The following PIK3R6 variants were observed in gnomAD, a reference collection of about 807,000 sequenced individuals.
The protein encoded by PIK3R6 is phosphoinositide-3-kinase regulatory subunit 6, also known as phosphoinositide 3-kinase regulatory subunit 6.
PIK3R6 carries 91 observed loss-of-function variants against 84.9 expected under a neutral mutation model. The observed-to-expected ratio is 1.07, with a 90% CI of 0.90 to 1.28. PIK3R6 has a LOEUF of 1.28. Among genes scored for constraint, PIK3R6 ranks in the 50% most tolerant of loss-of-function variants. The pLI is 0.00. For missense variants in PIK3R6, 996 were observed against 985.1 expected (o/e 1.01, Z -0.15); for synonymous variants, 416 against 411.4 (o/e 1.01, Z -0.13).
intron 11 of PIK3R6, 140 bp from the exon 12 acceptor site, chr17:8,828,330 G>T: frequency 1.0e-6 from 1 of 972,134 alleles, no homozygotes; most frequent in Non-Finnish European, 1.6e-6. Context: ...TACAAAATGG[G>T]TACAGTAATG....
chr17:8,837,897 G>A, intron 4 of PIK3R6, 26 bp from the exon 5 acceptor site: 1 of 1,602,800 alleles, frequency 6.2e-7, no homozygotes, highest in East Asian at 2.2e-5. Context: ...TCACGTGACA[G>A]GTATTGGGCT....
chr17:8,805,126 A>G (rs1363151484), intron 18 of PIK3R6, among the ~76,000 whole-genome samples: 1 of 152,158 alleles, frequency 6.6e-6, no homozygotes, highest in Non-Finnish European at 1.5e-5. Flanking sequence ...TGGACAGGCC[A>G]TGGAGGATCC....
rs2151160487 is a variant in PIK3R6, at chr17:8,803,448, C to A, written c.2109-19G>T. 4 of 1,582,038 alleles carry A rather than the reference C, an allele frequency of 2.5e-6. No homozygotes were observed. The highest frequency in any genetic ancestry group is 2.2e-5 in the East Asian group (1 of 44,714). The stretch of plus-strand genomic sequence containing the variant: ...CTCGAATCTGTGGGTGGAGAGAGAC[C>A]AGCTCAGGTGACCCATCTGAGGGAT... On this transcript the variant is annotated intron_variant, in intron 19 of 19. Coordinates refer to ENST00000619866, the MANE Select transcript of PIK3R6 (RefSeq NM_001010855.4). The surrounding 1 kb of genome is among the most constrained non-coding windows in gnomAD (Gnocchi z 5.0).
At chr17:8,823,209 T>G in intron 14 of PIK3R6, 123 bp from the exon 15 acceptor site, 1 of 857,600 alleles carries the variant, frequency 1.2e-6, no homozygotes, top group East Asian at 2.4e-5. Context: ...TTCTTGGATT[T>G]GAGGTCTTGA....
intron 18 of PIK3R6, among the ~76,000 whole-genome samples, chr17:8,817,667 AAC>A (rs2087586094): frequency 6.6e-6 from 1 of 151,852 alleles, no homozygotes; most frequent in African/African-American, 2.4e-5. Context: ...AAACAAAAAA[AAC>A]AAAAACATTA....
chr17:8,814,215 C>CTTTTTT (rs112750429), intron 18 of PIK3R6, among the ~76,000 whole-genome samples: 4,660 of 85,274 alleles, frequency 0.055, 608 homozygotes, highest in East Asian at 0.18. Flanking sequence ...AGAGAGAGAT[C>CTTTTTT]TTTTTTTTTT....
intron 2 of PIK3R6, among the ~76,000 whole-genome samples, chr17:8,843,648 A>G (rs944733453): frequency 1.3e-5 from 2 of 151,890 alleles, no homozygotes; most frequent in Non-Finnish European, 2.9e-5. Context: ...AAAAAAAAAA[A>G]GCAATGAATT....
At chr17:8,861,790 A>G (rs2089293884) in intron 1 of PIK3R6, among the ~76,000 whole-genome samples, 1 of 152,192 alleles carries the variant, frequency 6.6e-6, no homozygotes, top group Non-Finnish European at 1.5e-5. Flanking sequence ...ATAGTACTGA[A>G]CCTGGCTGCT....
intron 2 of PIK3R6, among the ~76,000 whole-genome samples, chr17:8,846,670 A>G (rs966684989): frequency 2.6e-5 from 4 of 152,026 alleles, no homozygotes; most frequent in African/African-American, 7.3e-5. Flanking sequence ...GCTTGTAAAG[A>G]TCTTTCACCT....
At position 8,803,919 on chromosome 17, in the gene PIK3R6, G is replaced by A; in HGVS notation, c.2108+122C>T. On this transcript the variant is annotated intron_variant, in intron 19 of 19. Coordinates refer to ENST00000619866, the MANE Select transcript of PIK3R6 (RefSeq NM_001010855.4). This position sits in a 1 kb window ranked among gnomAD's most constrained non-coding sequence, Gnocchi z 5.0. The stretch of plus-strand genomic sequence containing the variant: ...CCATCCTCACCAAGGTTACCTGCCT[G>A]GCCACAGGATCTACCTCCGATGAGG... The A allele has an allele frequency of 1.2e-6, 1 of 833,856 alleles. No homozygotes were observed. The highest frequency in any genetic ancestry group is 1.6e-5 in the South Asian group (1 of 61,912). 51.7% of individuals were successfully genotyped at this position (833,856 alleles called of 1,614,324 possible). A position where few individuals can be genotyped will look rare whatever the true frequency, so the allele number is the denominator to read the frequency against.
Position 8,821,935 on chromosome 17 carries a change from G to A in PIK3R6, c.1790C>T (p.Ala597Val), listed in dbSNP as rs761449227. ...GAELSLCYQKALLSHRPREVT... is the reference protein window; with the variant it reads ...GAELSLCYQKVLLSHRPREVT... ...CTCTCGGGGCCGGTGGCTAAGCAAG[G>A]CCTGAGGAGGGGGATCGAGGAACAG... The change falls in exon 17 of 20, where the codon GCC (alanine) becomes GTC (valine). Residue 597 changes from alanine (A) to valine (V), a missense_variant and splice_region_variant. Transcript: ENST00000619866. 11 of 1,576,678 alleles carry A rather than the reference G, an allele frequency of 7.0e-6. 1 individual carries two copies. The South Asian group carries it at 1.3e-4, about 18-fold the overall frequency.
At chr17:8,850,769 A>G (rs958963484) in intron 1 of PIK3R6, among the ~76,000 whole-genome samples, 2 of 152,370 alleles carry the variant, frequency 1.3e-5, no homozygotes, top group African/African-American at 4.8e-5. Context: ...ACGAAGAGAC[A>G]ATATTAGAAA....
At position 8,817,409 on chromosome 17, in the gene PIK3R6, C is replaced by T. The variant is rs531372817; in HGVS notation, c.1995+1674G>A. On this transcript the variant is annotated intron_variant, in intron 18 of 19. Coordinates refer to ENST00000619866, the MANE Select transcript of PIK3R6 (RefSeq NM_001010855.4). ...TTGTAATCCCAACACTTTGGGAAGCCAAGGCAGGTGGATCATGAGGTCAGG... is the reference window on the plus strand; with the variant it reads ...TTGTAATCCCAACACTTTGGGAAGCTAAGGCAGGTGGATCATGAGGTCAGG... Among the ~76,000 whole-genome samples the T allele has an allele frequency of 9.9e-5, 15 of 152,208 alleles. 1 individual carries two copies. The highest frequency in any genetic ancestry group is 3.4e-4 in the African/African-American group (14 of 41,520).
intron 1 of PIK3R6, among the ~76,000 whole-genome samples, chr17:8,859,435 T>A (rs2089220061): frequency 1.3e-5 from 2 of 152,180 alleles, no homozygotes. Context: ...CACCGCCCCA[T>A]GCACGCAGCA....
chr17:8,838,503 G>T, intron 4 of PIK3R6, 61 bp downstream of exon 4: 1 of 1,479,370 alleles, frequency 6.8e-7, no homozygotes, highest in Non-Finnish European at 9.2e-7. Context: ...CTGAGCCCCT[G>T]CCCAATTGGC....
At position 8,803,497 on chromosome 17, in the gene PIK3R6, G is replaced by C. The variant is rs1477425433; in HGVS notation, c.2109-68C>G. The C allele has an allele frequency of 6.8e-7, 1 of 1,469,542 alleles. No homozygotes were observed. The highest frequency in any genetic ancestry group is 9.2e-7 in the Non-Finnish European group (1 of 1,087,068). 91.0% of individuals were successfully genotyped at this position (1,469,542 alleles called of 1,614,324 possible). ...ATCAGATTGCCTAGGGCATTTGAAA[G>C]GCAGAGCTGTTATTGTAGGGCCTAG... On this transcript the variant is annotated intron_variant, in intron 19 of 19. Coordinates refer to ENST00000619866, the MANE Select transcript of PIK3R6 (RefSeq NM_001010855.4). The surrounding 1 kb of genome is among the most constrained non-coding windows in gnomAD (Gnocchi z 5.0).
intron 2 of PIK3R6, among the ~76,000 whole-genome samples, chr17:8,840,576 G>A (rs927036054): frequency 2.1e-5 from 3 of 144,310 alleles, no homozygotes; most frequent in African/African-American, 7.6e-5. Context: ...CTCCAAATAC[G>A]TATATGAAGT....
intron 4 of PIK3R6, chr17:8,838,234 T>G (rs1214998245): frequency 2.3e-6 from 1 of 437,750 alleles, no homozygotes; most frequent in African/African-American, 2.0e-5. Flanking sequence ...GAAGGAGAAT[T>G]TAGGTGGCCC....
At chr17:8,815,286 C>T (rs111923165) in intron 18 of PIK3R6, among the ~76,000 whole-genome samples, 3,446 of 152,148 alleles carry the variant, frequency 0.023, 126 homozygotes, top group African/African-American at 0.076. Context: ...GGCAGGCGGA[C>T]CACGAGGCCA....
Sources: gnomAD v4.1 joint callset for allele counts (sites outside exome capture counted in the v4.1 genomes callset) on GRCh38, gnomAD v4.1.1 for gene constraint, Gnocchi (gnomAD v3.1) non-coding constraint, MANE v1.5 for transcripts, NCBI Gene and HGNC (gene_info 2026-07-23, HGNC 2026-07-21) for gene names.